The following CHST11 variants were observed in gnomAD, a reference collection of about 807,000 sequenced individuals.
The protein encoded by CHST11 is C4S-1.
Under a neutral mutation model 30.4 loss-of-function variants are expected in CHST11, and 9 were observed. The ratio of observed to expected loss-of-function variants is 0.30; its 90% CI spans 0.18 to 0.52. The LOEUF is 0.52. Ranked by LOEUF, CHST11 falls within the 20% of genes least tolerant of loss-of-function variation. The pLI is 0.97. For synonymous variants in CHST11, 152 were observed against 187.8 expected, an observed-to-expected ratio of 0.81 and a Z score of 1.56; for missense variants, 348 against 460.6, an observed-to-expected ratio of 0.76 and a Z score of 2.24.
chr12:104,623,764 C>T (rs1227714529), intron 2 of CHST11, among the ~76,000 whole-genome samples: 1 of 152,004 alleles, frequency 6.6e-6, no homozygotes, highest in Non-Finnish European at 1.5e-5. Context: ...ATACTGGGCT[C>T]TATCTCACCG....
chr12:104,642,278 T>C (rs1051695865), intron 2 of CHST11, among the ~76,000 whole-genome samples: 1 of 151,946 alleles, frequency 6.6e-6, no homozygotes, highest in Non-Finnish European at 1.5e-5. Flanking sequence ...ATCTCTAATA[T>C]GAAAAAAAAT....
chr12:104,469,782 C>T (rs576850192), intron 1 of CHST11, among the ~76,000 whole-genome samples: 10 of 152,194 alleles, frequency 6.6e-5, no homozygotes, highest in Admixed American at 4.6e-4. Flanking sequence ...GACTCCATAA[C>T]CCTGATCTGG....
At chr12:104,672,842 C>T (rs2039708516) in intron 2 of CHST11, among the ~76,000 whole-genome samples, 1 of 152,242 alleles carries the variant, frequency 6.6e-6, no homozygotes, top group South Asian at 2.1e-4. Flanking sequence ...ACCACTCAGA[C>T]ACCCAGGCGT....
chr12:104,715,811 G>A (rs1406700412), intron 2 of CHST11, among the ~76,000 whole-genome samples: 1 of 152,176 alleles, frequency 6.6e-6, no homozygotes, highest in Non-Finnish European at 1.5e-5. Flanking sequence ...GGGATGAAAG[G>A]GTTCTGGGGC....
intron 2 of CHST11, among the ~76,000 whole-genome samples, chr12:104,610,792 G>T (rs142142492): frequency 1.3e-5 from 2 of 152,182 alleles, no homozygotes; most frequent in African/African-American, 2.4e-5. Flanking sequence ...CGCAGATCTC[G>T]GGAGAGTTTC....
At chr12:104,656,959 G>A (rs898395797) in intron 2 of CHST11, among the ~76,000 whole-genome samples, 4 of 151,864 alleles carry the variant, frequency 2.6e-5, no homozygotes, top group African/African-American at 9.7e-5. Context: ...CCTTACAAAG[G>A]CACAGCATGC....
At chr12:104,649,364 A>G (rs1174916014) in intron 2 of CHST11, among the ~76,000 whole-genome samples, 1 of 152,184 alleles carries the variant, frequency 6.6e-6, no homozygotes, top group Middle Eastern at 3.2e-3. Flanking sequence ...GTATTACATT[A>G]CAGGGCATTT....
At chr12:104,489,805 C>T (rs2037728163) in intron 1 of CHST11, among the ~76,000 whole-genome samples, 1 of 152,168 alleles carries the variant, frequency 6.6e-6, no homozygotes. Context: ...GAGGGGAGGA[C>T]ACAATTCAAT....
intron 2 of CHST11, among the ~76,000 whole-genome samples, chr12:104,719,334 G>C (rs535121164): frequency 6.6e-6 from 1 of 152,288 alleles, no homozygotes; most frequent in Non-Finnish European, 1.5e-5. Flanking sequence ...TGCCATGTTG[G>C]CTTACAAGTA....
At chr12:104,722,097 G>A (rs142306999) in intron 2 of CHST11, among the ~76,000 whole-genome samples, 80 of 151,620 alleles carry the variant, frequency 5.3e-4, no homozygotes, top group African/African-American at 1.8e-3. Flanking sequence ...CAAACCATCC[G>A]CTCCCCTCAG....
In CHST11 at chr12:104,656,299, C is replaced by T. The variant is rs535688955; in HGVS notation, c.204+54308C>T. ...AGTCTAGCCGCATATCACCCCTCCA[C>T]CCACTTTTCCTCTTTTTTTCTCATT... On this transcript the variant is annotated intron_variant, in intron 2 of 2. Coordinates refer to ENST00000303694, the MANE Select transcript of CHST11 (RefSeq NM_018413.6). Among the ~76,000 whole-genome samples, 7 of 152,324 alleles carry T rather than the reference C, an allele frequency of 4.6e-5. No individual in the cohort carries two copies. The South Asian group carries it at 1.5e-3, about 32-fold the overall frequency.
chr12:104,720,276 G>A (rs1485727835), intron 2 of CHST11, among the ~76,000 whole-genome samples: 2 of 152,248 alleles, frequency 1.3e-5, no homozygotes, highest in Non-Finnish European at 2.9e-5. Flanking sequence ...ATCTTATGCA[G>A]TGGGTACCAG....
intron 2 of CHST11, among the ~76,000 whole-genome samples, chr12:104,755,017 G>T (rs1479771359): frequency 4.6e-5 from 7 of 152,342 alleles, no homozygotes; most frequent in African/African-American, 1.7e-4. Flanking sequence ...CATGAGAGGA[G>T]ATGGACATGG....
chr12:104,558,553 C>T (rs552304483), intron 1 of CHST11, among the ~76,000 whole-genome samples: 1 of 137,988 alleles, frequency 7.2e-6, no homozygotes, highest in Non-Finnish European at 1.6e-5. Flanking sequence ...CCCCCGCCCC[C>T]CCGAGACAGG....
At position 104,493,427 on chromosome 12, in the gene CHST11, C is replaced by G. The variant is rs866221004; in HGVS notation, c.118+35898C>G. ...TGTTCTTGAAGTACACCTGTCATTCCCTTAACAGAGCACCTATGAGGTGCC... is the reference window on the plus strand; with the variant it reads ...TGTTCTTGAAGTACACCTGTCATTCGCTTAACAGAGCACCTATGAGGTGCC... On this transcript the variant is annotated intron_variant, in intron 1 of 2. Transcript: ENST00000303694. Among the ~76,000 whole-genome samples the G allele has an allele frequency of 9.3e-4, 141 of 152,106 alleles. 1 individual carries two copies. The Middle Eastern group carries it at 0.017, about 18-fold the overall frequency.
chr12:104,523,326 TG>T (rs2135989516), intron 1 of CHST11, among the ~76,000 whole-genome samples: 1 of 152,342 alleles, frequency 6.6e-6, no homozygotes, highest in East Asian at 1.9e-4. Context: ...CCACATGCTT[TG>T]GAGTGAGGGA....
At chr12:104,509,204 G>A (rs920976499) in intron 1 of CHST11, among the ~76,000 whole-genome samples, 5 of 152,138 alleles carry the variant, frequency 3.3e-5, no homozygotes, top group Admixed American at 6.5e-5. Context: ...GGTTCTATAA[G>A]GGGGAGTTTC....
chr12:104,492,421 C>G (rs77074661), intron 1 of CHST11, among the ~76,000 whole-genome samples: 1 of 152,064 alleles, frequency 6.6e-6, no homozygotes, highest in African/African-American at 2.4e-5. Flanking sequence ...CTTCTTTTTC[C>G]TTGTTATCAT....
intron 2 of CHST11, among the ~76,000 whole-genome samples, chr12:104,714,913 C>T (rs916586714): frequency 3.3e-5 from 5 of 152,194 alleles, no homozygotes; most frequent in Non-Finnish European, 7.3e-5. Context: ...GAACTCAAGA[C>T]CTAATGTTCC....
Sources: gnomAD v4.1 joint callset for allele counts (sites outside exome capture counted in the v4.1 genomes callset) on GRCh38, gnomAD v4.1.1 for gene constraint, MANE v1.5 for transcripts, NCBI Gene and HGNC (gene_info 2026-07-23, HGNC 2026-07-21) for gene names.